Variants in HCRTR2 observed in about 807,000 individuals in gnomAD.
The protein encoded by HCRTR2 is orexin receptor type 2.
A neutral mutation model predicts 49.0 loss-of-function variants in HCRTR2; 22 were observed. The ratio of observed to expected loss-of-function variants is 0.45; its 90% CI spans 0.32 to 0.64. HCRTR2 has a LOEUF of 0.64. HCRTR2 is among the 30% of genes least tolerant of loss of function. HCRTR2 has a pLI of 0.04. For missense variants in HCRTR2, 491 were observed against 559.4 expected (o/e 0.88, Z 1.23); for synonymous variants, 236 against 205.3 (o/e 1.15, Z -1.28).
chr6:55,208,327 T>TAAAA (rs796836135), intron 1 of HCRTR2, among the ~76,000 whole-genome samples: 2 of 132,072 alleles, frequency 1.5e-5, no homozygotes, highest in African/African-American at 2.8e-5. Context: ...AATAAAAAAA[T>TAAAA]AAAAAAAAAA....
chr6:55,167,805 C>A (rs991662570), intron 1 of HCRTR2, among the ~76,000 whole-genome samples: 1 of 152,070 alleles, frequency 6.6e-6, no homozygotes, highest in Non-Finnish European at 1.5e-5. Flanking sequence ...TTTTTCTGCC[C>A]TCTATTATTA....
At chr6:55,144,457 G>A (rs1581793211) in intron 1 of HCRTR2, among the ~76,000 whole-genome samples, 1 of 152,032 alleles carries the variant, frequency 6.6e-6, no homozygotes, top group African/African-American at 2.4e-5. Flanking sequence ...TCTTCTACGC[G>A]TCATTCAAAT....
intron 1 of HCRTR2, among the ~76,000 whole-genome samples, chr6:55,160,141 T>C (rs1037015471): frequency 6.6e-6 from 1 of 152,164 alleles, no homozygotes; most frequent in Non-Finnish European, 1.5e-5. Context: ...TGGATCTCCC[T>C]GCAGAAACCC....
intron 1 of HCRTR2, among the ~76,000 whole-genome samples, chr6:55,180,597 T>A (rs1765114975): frequency 4.6e-5 from 7 of 152,090 alleles, no homozygotes; most frequent in Admixed American, 3.9e-4. Flanking sequence ...GGAAAAAAAA[T>A]GTTAGATAAT....
intron 1 of HCRTR2, among the ~76,000 whole-genome samples, chr6:55,187,122 T>C (rs1483188620): frequency 1.3e-5 from 2 of 151,552 alleles, no homozygotes; most frequent in African/African-American, 2.4e-5. Flanking sequence ...AAGAAGACAT[T>C]GGGGCCAGGT....
chr6:55,216,581 A>G (rs1347979374), intron 1 of HCRTR2, among the ~76,000 whole-genome samples: 2 of 152,240 alleles, frequency 1.3e-5, no homozygotes, highest in Non-Finnish European at 2.9e-5. Flanking sequence ...CAGGGCACAT[A>G]TTAAATTGTA....
At chr6:55,112,469 C>G (rs1357163564) in intron 1 of HCRTR2, among the ~76,000 whole-genome samples, 1 of 148,128 alleles carries the variant, frequency 6.8e-6, no homozygotes. Flanking sequence ...AATCAAGGTA[C>G]ACAAATCAGT....
chr6:55,116,724 A>AACAAAAC (rs1554165905), intron 1 of HCRTR2, among the ~76,000 whole-genome samples: 18 of 144,170 alleles, frequency 1.2e-4, no homozygotes, highest in South Asian at 2.2e-4. Flanking sequence ...AGAAAAAAAA[A>AACAAAAC]AAAACTCTTA....
intron 1 of HCRTR2, among the ~76,000 whole-genome samples, chr6:55,127,482 T>A (rs1439136654): frequency 6.6e-6 from 1 of 152,166 alleles, no homozygotes; most frequent in Non-Finnish European, 1.5e-5. Flanking sequence ...TTGGACTTGC[T>A]GGGAGCTGCA....
intron 1 of HCRTR2, among the ~76,000 whole-genome samples, chr6:55,230,978 G>T (rs561974172): frequency 2.6e-5 from 4 of 151,934 alleles, no homozygotes; most frequent in African/African-American, 9.7e-5. Flanking sequence ...TCCATAATTA[G>T]CCAAGTTAGT....
chr6:55,184,924 G>C (rs547644848), intron 1 of HCRTR2, among the ~76,000 whole-genome samples: 1 of 152,068 alleles, frequency 6.6e-6, no homozygotes, highest in Non-Finnish European at 1.5e-5. Context: ...TCATCAATTC[G>C]GAATGAATTT....
chr6:55,266,228 T>A (rs928159139), intron 4 of HCRTR2, among the ~76,000 whole-genome samples: 15 of 152,284 alleles, frequency 9.9e-5, no homozygotes, highest in East Asian at 1.9e-4. Context: ...GACTATTTTT[T>A]AAAAAATGCA....
chr6:55,223,964 G>C (rs974389871), intron 1 of HCRTR2, among the ~76,000 whole-genome samples: 5 of 152,138 alleles, frequency 3.3e-5, no homozygotes, highest in African/African-American at 1.2e-4. Context: ...TTGGATAAAT[G>C]TGTATTTCTA....
intron 6 of HCRTR2, among the ~76,000 whole-genome samples, chr6:55,280,938 A>G (rs1164368516): frequency 6.6e-6 from 1 of 152,218 alleles, no homozygotes. Context: ...TTACTCCAAA[A>G]TAACACATAA....
chr6:55,174,483 C>A (rs779039569), upstream of HCRTR2: 3 of 969,370 alleles, frequency 3.1e-6, no homozygotes, highest in Non-Finnish European at 5.0e-6. Flanking sequence ...CTCGGGAGCC[C>A]CTTCTAGCCT....
intron 1 of HCRTR2, among the ~76,000 whole-genome samples, chr6:55,132,793 C>T (rs907786945): frequency 2.1e-5 from 3 of 144,816 alleles, no homozygotes; most frequent in Middle Eastern, 3.7e-3. Context: ...GAGAAACAAA[C>T]AAACAAAGTG....
At chr6:55,127,585 A>G (rs1764299169) in intron 1 of HCRTR2, among the ~76,000 whole-genome samples, 1 of 150,852 alleles carries the variant, frequency 6.6e-6, no homozygotes, top group Non-Finnish European at 1.5e-5. Flanking sequence ...GGTCTGAGAA[A>G]TCTTTGTTCT....
intron 1 of HCRTR2, among the ~76,000 whole-genome samples, chr6:55,231,167 A>G (rs1176952608): frequency 2.6e-5 from 4 of 152,154 alleles, no homozygotes; most frequent in Non-Finnish European, 5.9e-5. Flanking sequence ...GAGGTAAAAA[A>G]ATGAAATTTA....
intron 1 of HCRTR2, among the ~76,000 whole-genome samples, chr6:55,127,168 A>C (rs1437929946): frequency 6.6e-6 from 1 of 152,090 alleles, no homozygotes; most frequent in Non-Finnish European, 1.5e-5. Context: ...ACGGCCACCA[A>C]GTTTTGTGCT....
Sources: gnomAD v4.1 joint callset for allele counts (sites outside exome capture counted in the v4.1 genomes callset) on GRCh38, gnomAD v4.1.1 for gene constraint, MANE v1.5 for transcripts, NCBI Gene and HGNC (gene_info 2026-07-23, HGNC 2026-07-21) for gene names.